CUL2: variants seen among roughly 807,000 people sequenced by gnomAD.
CUL2 encodes cullin 2.
A neutral mutation model predicts 110.2 loss-of-function variants in CUL2; 22 were observed. The ratio of observed to expected loss-of-function variants is 0.20; its 90% CI spans 0.14 to 0.28. CUL2 has a LOEUF of 0.28. CUL2 is among the 10% of genes least tolerant of loss of function. The pLI, the probability that CUL2 is intolerant of heterozygous loss-of-function variation, is 1.00. For synonymous variants in CUL2, 279 were observed against 293.2 expected (o/e 0.95, Z 0.49); for missense variants, 631 against 905.5 (o/e 0.70, Z 3.89).
At chr10:35,079,250 G>A (rs141415543) in intron 1 of CUL2, among the ~76,000 whole-genome samples, 4 of 152,256 alleles carry the variant, frequency 2.6e-5, no homozygotes, top group Admixed American at 6.5e-5. Flanking sequence ...TGCTGTACTC[G>A]CCCTTCTTGT....
chr10:35,032,487 G>GT lies in CUL2; in HGVS notation c.1117dup (p.Thr373AsnfsTer10), dbSNP rs1350581780. ...AGGTTCTCTGTAATTTACAACTGAC[G>GT]TAAGGGCCTGAATAAAAAAACACGC... On this transcript the variant is annotated frameshift_variant, in exon 12 of 21. Coordinates refer to ENST00000374749, the MANE Select transcript of CUL2 (RefSeq NM_003591.4). LOFTEE classifies it high-confidence loss of function. 1 of 1,587,396 alleles carries GT rather than the reference G, an allele frequency of 6.3e-7. No individual in the cohort carries two copies. Among genetic ancestry groups the GT allele is most frequent in the African/African-American group, 1.4e-5 (1 of 73,224 alleles).
chr10:35,017,874 T>TA (rs1277929117), intron 17 of CUL2, among the ~76,000 whole-genome samples: 148 of 75,206 alleles, frequency 2.0e-3, no homozygotes, highest in African/African-American at 5.3e-3. Context: ...CCATACGTGT[T>TA]TAAAAAAAAA....
intron 1 of CUL2, among the ~76,000 whole-genome samples, chr10:35,085,740 T>C (rs1191838126): frequency 6.7e-6 from 1 of 150,010 alleles, no homozygotes; most frequent in Non-Finnish European, 1.5e-5. Flanking sequence ...TATGAAACAT[T>C]GCTTTCAATC....
At chr10:35,106,858 GTTTAC>G (rs1166169514) in intron 1 of CUL2, among the ~76,000 whole-genome samples, 1 of 152,048 alleles carries the variant, frequency 6.6e-6, no homozygotes, top group Non-Finnish European at 1.5e-5. Flanking sequence ...GAAAAGGGCA[GTTTAC>G]TTTATGCCAG....
chr10:35,039,738 C>T (rs2085731157), intron 8 of CUL2, among the ~76,000 whole-genome samples: 1 of 151,942 alleles, frequency 6.6e-6, no homozygotes, highest in African/African-American at 2.4e-5. Context: ...GCCTGTAATC[C>T]CAGCTCCTTG....
chr10:35,013,250 CAGG>C (rs1215324352), intron 19 of CUL2, among the ~76,000 whole-genome samples: 2 of 150,376 alleles, frequency 1.3e-5, no homozygotes, highest in Non-Finnish European at 2.9e-5. Context: ...GAGGCTGAGG[CAGG>C]AGAATGGCGT....
chr10:35,089,544 C>A (rs1385744586), intron 1 of CUL2, among the ~76,000 whole-genome samples: 15 of 152,146 alleles, frequency 9.9e-5, no homozygotes, highest in Admixed American at 9.8e-4. Flanking sequence ...TAATATTAAT[C>A]CATGGGGCAA....
intron 4 of CUL2, among the ~76,000 whole-genome samples, chr10:35,057,814 C>G (rs1351223327): frequency 6.8e-6 from 1 of 147,760 alleles, no homozygotes; most frequent in Non-Finnish European, 1.5e-5. Context: ...AAGACATGGG[C>G]TGGACGCAGT....
intron 1 of CUL2, among the ~76,000 whole-genome samples, chr10:35,086,107 G>A (rs1280873559): frequency 6.6e-6 from 1 of 151,908 alleles, no homozygotes; most frequent in Non-Finnish European, 1.5e-5. Flanking sequence ...GGTGGAGGGC[G>A]CCTGTAGTCC....
intron 1 of CUL2, among the ~76,000 whole-genome samples, chr10:35,115,885 C>A (rs1223283896): frequency 1.3e-5 from 2 of 151,312 alleles, no homozygotes; most frequent in Non-Finnish European, 2.9e-5. Flanking sequence ...AAAGTGAGAC[C>A]TGGTCTCAAA....
chr10:35,038,224 G>GT (rs1471950641), intron 9 of CUL2, among the ~76,000 whole-genome samples: 3 of 150,132 alleles, frequency 2.0e-5, no homozygotes, highest in East Asian at 4.0e-4. Context: ...CATGTTTTTT[G>GT]TTTTTTTAAA....
rs1233928814 is a variant in CUL2 at position 35,049,731 on chromosome 10, T to G, written c.458A>C (p.Glu153Ala). ...ALDMWRKLMV[E>A]PLQAILIRML... ...TCGGATAAGGATGGCCTGAAGTGGTTCAACCATCAATTTCCTCCACATATC... is the reference window on the plus strand; with the variant it reads ...TCGGATAAGGATGGCCTGAAGTGGTGCAACCATCAATTTCCTCCACATATC... Residue 153 changes from glutamate (E) to alanine (A), a missense_variant, in exon 6 of 21, where the codon GAA (glutamate) becomes GCA (alanine). Coordinates refer to ENST00000374749, the MANE Select transcript of CUL2 (RefSeq NM_003591.4). 6.2e-7 allele frequency: 1 copy of G among 1,613,436 alleles called. No homozygotes were observed. Among genetic ancestry groups the G allele is most frequent in the East Asian group, 2.2e-5 (1 of 44,890 alleles).
intron 3 of CUL2, 39 bp downstream of exon 3, chr10:35,062,921 C>T (rs373394007): frequency 1.7e-6 from 2 of 1,147,128 alleles, no homozygotes; most frequent in African/African-American, 1.5e-5. Flanking sequence ...AAGTATACAA[C>T]TATCAACATA....
chr10:35,112,270 T>C (rs1464015243), intron 1 of CUL2, among the ~76,000 whole-genome samples: 1 of 152,252 alleles, frequency 6.6e-6, no homozygotes, highest in African/African-American at 2.4e-5. Flanking sequence ...GGATTTATCC[T>C]TCTGCCTAAA....
intron 5 of CUL2, among the ~76,000 whole-genome samples, chr10:35,052,894 CAAAAAAAAAAAAG>C (rs2086148001): frequency 1.5e-5 from 1 of 68,824 alleles, no homozygotes; most frequent in African/African-American, 5.5e-5. Context: ...GACTCCGTCT[CAAAAAAAAAAAAG>C]AAAAAAAAAA....
chr10:35,052,412 G>A (rs182374471), intron 5 of CUL2, among the ~76,000 whole-genome samples: 1 of 152,250 alleles, frequency 6.6e-6, no homozygotes, highest in Non-Finnish European at 1.5e-5. Flanking sequence ...TCCACTTCCT[G>A]ACACCCAGTC....
At chr10:35,074,198 C>T in intron 1 of CUL2, 1 of 1,535,352 alleles carries the variant, frequency 6.5e-7, no homozygotes, top group Non-Finnish European at 8.7e-7. Flanking sequence ...CTACCTAAGC[C>T]AAAAAGTTGA....
At chr10:35,021,518 C>T (rs1564698758) in intron 17 of CUL2, among the ~76,000 whole-genome samples, 3 of 147,732 alleles carry the variant, frequency 2.0e-5, no homozygotes, top group Non-Finnish European at 4.6e-5. Context: ...ATAATTAATA[C>T]ATGTTTATAT....
intron 16 of CUL2, among the ~76,000 whole-genome samples, chr10:35,027,860 G>A (rs2085375101): frequency 6.6e-6 from 1 of 152,100 alleles, no homozygotes; most frequent in Non-Finnish European, 1.5e-5. Context: ...TTTGTAAATG[G>A]GGAAACTAAA....
Sources: gnomAD v4.1 joint callset for allele counts (sites outside exome capture counted in the v4.1 genomes callset) on GRCh38, gnomAD v4.1.1 for gene constraint, MANE v1.5 for transcripts, NCBI Gene and HGNC (gene_info 2026-07-23, HGNC 2026-07-21) for gene names.